NINJ2: variants seen among roughly 807,000 people sequenced by gnomAD.
NINJ2 encodes the protein ninjurin-2.
NINJ2 carries 12 observed loss-of-function variants against 11.7 expected under a neutral mutation model. That is an observed-to-expected ratio of 1.02 (90% CI 0.66 to 1.66). The LOEUF (loss-of-function observed/expected upper bound fraction) is 1.66, where lower values mean the gene tolerates loss of function less well. Among genes scored for constraint, NINJ2 ranks in the 40% most tolerant of loss-of-function variants. The pLI, the probability that NINJ2 is intolerant of heterozygous loss-of-function variation, is 0.00. For synonymous variants in NINJ2, 93 were observed against 76.8 expected (o/e 1.21, Z -1.10); for missense variants, 187 against 181.8 (o/e 1.03, Z -0.16).
intron 1 of NINJ2, among the ~76,000 whole-genome samples, chr12:647,186 T>C (rs1410367482): frequency 2.0e-5 from 3 of 152,082 alleles, no homozygotes; most frequent in African/African-American, 7.2e-5. Flanking sequence ...AGGTGCCCCG[T>C]GGGAAAGCCC....
chr12:658,717 T>TTCC (rs1937911705), intron 1 of NINJ2, among the ~76,000 whole-genome samples: 1 of 136,150 alleles, frequency 7.3e-6, no homozygotes, highest in Non-Finnish European at 1.6e-5. Flanking sequence ...TATGCTATGC[T>TTCC]ATGCTATGCT....
chr12:620,554 C>A (rs1006515158), intron 1 of NINJ2, among the ~76,000 whole-genome samples: 4 of 152,350 alleles, frequency 2.6e-5, no homozygotes, highest in Non-Finnish European at 5.9e-5. Flanking sequence ...GCATGCAGTT[C>A]TTCATTTGTA....
At chr12:620,316 T>C (rs1948137164) in intron 1 of NINJ2, among the ~76,000 whole-genome samples, 2 of 152,172 alleles carry the variant, frequency 1.3e-5, no homozygotes, top group Non-Finnish European at 2.9e-5. Context: ...ATCTATAAAA[T>C]AAACAGCTTA....
chr12:609,967 G>T (rs1259450679), intron 1 of NINJ2, among the ~76,000 whole-genome samples: 3 of 134,088 alleles, frequency 2.2e-5, no homozygotes, highest in African/African-American at 5.7e-5. Flanking sequence ...AAAAAAAGAC[G>T]AAGGAGAGAA....
At chr12:570,219 G>A (rs773702747) in intron 1 of NINJ2, among the ~76,000 whole-genome samples, 19 of 152,268 alleles carry the variant, frequency 1.2e-4, no homozygotes, top group Non-Finnish European at 2.2e-4. Flanking sequence ...ACGGCGGGCA[G>A]AAGGGCCGGC....
chr12:566,799 A>G (rs896481853), intron 1 of NINJ2, among the ~76,000 whole-genome samples: 1 of 152,250 alleles, frequency 6.6e-6, no homozygotes, highest in Non-Finnish European at 1.5e-5. Context: ...AGTAATGCAT[A>G]CTAGTTAAAC....
intron 1 of NINJ2, among the ~76,000 whole-genome samples, chr12:575,764 G>C (rs767666982): frequency 6.6e-6 from 1 of 152,208 alleles, no homozygotes; most frequent in South Asian, 2.1e-4. Flanking sequence ...CAAAAGTAAG[G>C]CTCTTTAAGG....
chr12:579,516 A>G (rs1947517337), intron 1 of NINJ2, among the ~76,000 whole-genome samples: 1 of 60,336 alleles, frequency 1.7e-5, no homozygotes, highest in African/African-American at 1.0e-4. Flanking sequence ...AAAACAAACA[A>G]AACAAAACAA....
At chr12:600,075 G>T (rs73596235) in intron 1 of NINJ2, among the ~76,000 whole-genome samples, 4 of 152,146 alleles carry the variant, frequency 2.6e-5, no homozygotes, top group African/African-American at 9.7e-5. Flanking sequence ...TACTCCTTCC[G>T]AACGCCTGAG....
chr12:583,746 T>G (rs1313515277), intron 1 of NINJ2, among the ~76,000 whole-genome samples: 1 of 152,150 alleles, frequency 6.6e-6, no homozygotes, highest in African/African-American at 2.4e-5. Flanking sequence ...AGCCTCGAAG[T>G]GTGAGTGGCA....
intron 1 of NINJ2, among the ~76,000 whole-genome samples, chr12:567,984 G>A (rs1306790799): frequency 6.6e-6 from 1 of 152,216 alleles, no homozygotes; most frequent in Non-Finnish European, 1.5e-5. Flanking sequence ...TCTAGCCTGG[G>A]TGGCAGAGTA....
chr12:614,953 A>C lies in NINJ2; in HGVS notation c.33+48375T>G, dbSNP rs1219738977. Reference sequence around the variant, plus strand: ...TCAAAAGATGCAGGCTTGAGGTCTTAACTGCTTCCATTTAGCGCACAAGCC... The same window carrying C: ...TCAAAAGATGCAGGCTTGAGGTCTTCACTGCTTCCATTTAGCGCACAAGCC... On this transcript the variant is annotated intron_variant, in intron 1 of 3. Transcript: ENST00000305108. The surrounding 1 kb of genome is among the most constrained non-coding windows in gnomAD (Gnocchi z 5.1). 6.6e-6 allele frequency among the ~76,000 whole-genome samples: 1 copy of C among 152,166 alleles called. No homozygotes were observed. Among genetic ancestry groups the C allele is most frequent in the Non-Finnish European group, 1.5e-5 (1 of 68,026 alleles).
chr12:596,183 A>G (rs973157299), intron 1 of NINJ2, among the ~76,000 whole-genome samples: 3 of 152,236 alleles, frequency 2.0e-5, no homozygotes, highest in Non-Finnish European at 4.4e-5. Flanking sequence ...CTCAAAACTT[A>G]CGTTCACACA....
chr12:644,606 G>C (rs1274474257), intron 1 of NINJ2: 1 of 152,186 alleles, frequency 6.6e-6, no homozygotes, highest in Non-Finnish European at 1.5e-5. Flanking sequence ...CCTGCACACG[G>C]GGCTGTTTCA....
chr12:652,290 A>G (rs936333078), intron 1 of NINJ2, among the ~76,000 whole-genome samples: 2 of 152,222 alleles, frequency 1.3e-5, no homozygotes, highest in Admixed American at 1.3e-4. Flanking sequence ...GAAGGAAAAA[A>G]ATCCACCAAC....
chr12:588,388 AC>A (rs1446250541), intron 1 of NINJ2, among the ~76,000 whole-genome samples: 2 of 152,252 alleles, frequency 1.3e-5, no homozygotes, highest in African/African-American at 4.8e-5. Context: ...AATACATTTG[AC>A]TGCATAAAAT....
At chr12:595,610 G>T (rs2535387) in intron 1 of NINJ2, among the ~76,000 whole-genome samples, 1 of 151,858 alleles carries the variant, frequency 6.6e-6, no homozygotes, top group African/African-American at 2.4e-5. Flanking sequence ...AAAATTAGCC[G>T]GGCGTGTTGG....
chr12:571,272 T>C (rs959827141), intron 1 of NINJ2, among the ~76,000 whole-genome samples: 2 of 152,142 alleles, frequency 1.3e-5, no homozygotes, highest in Admixed American at 6.5e-5. Context: ...AAGGTGGGAG[T>C]AGATCCAGAG....
intron 1 of NINJ2, among the ~76,000 whole-genome samples, chr12:618,280 G>GGAGTTGGTAATGAGGTGGGGGTGAA (rs1948116355): frequency 1.9e-5 from 2 of 105,684 alleles, no homozygotes; most frequent in African/African-American, 7.3e-5. Flanking sequence ...GTGGGGGTGA[G>GGAGTTGGTAATGAGGTGGGGGTGAA]GAGTTGGTAA....
Sources: gnomAD v4.1 joint callset for allele counts (sites outside exome capture counted in the v4.1 genomes callset) on GRCh38, gnomAD v4.1.1 for gene constraint, Gnocchi (gnomAD v3.1) non-coding constraint, MANE v1.5 for transcripts, NCBI Gene and HGNC (gene_info 2026-07-23, HGNC 2026-07-21) for gene names.